Variants in DAB1 observed in about 807,000 individuals in gnomAD.
DAB1 encodes disabled homolog 1.
A neutral mutation model predicts 64.6 loss-of-function variants in DAB1; 15 were observed. The observed-to-expected ratio is 0.23, with a 90% confidence interval of 0.16 to 0.36. DAB1 has a LOEUF of 0.36. DAB1 is among the 10% of genes least tolerant of loss of function. The pLI is 1.00. For missense variants in DAB1, 596 were observed against 706.7 expected (o/e 0.84, Z 1.78); for synonymous variants, 235 against 251.9 (o/e 0.93, Z 0.64).
chr1:57,520,311 C>T (rs1644510084), intron 7 of DAB1, among the ~76,000 whole-genome samples: 1 of 152,136 alleles, frequency 6.6e-6, no homozygotes, highest in Non-Finnish European at 1.5e-5. Flanking sequence ...TCATTCTAAA[C>T]ATGTTTACCA....
intron 9 of DAB1, among the ~76,000 whole-genome samples, chr1:57,052,126 T>C (rs1159211669): frequency 2.1e-5 from 1 of 47,856 alleles, no homozygotes; most frequent in African/African-American, 7.1e-5. Flanking sequence ...GCTAGGGTTG[T>C]GATTACTGGG....
At chr1:58,292,233 C>T (rs1661860144) in intron 4 of DAB1, among the ~76,000 whole-genome samples, 1 of 152,152 alleles carries the variant, frequency 6.6e-6, no homozygotes, top group Admixed American at 6.5e-5. Flanking sequence ...GATTTCTCAG[C>T]TTCCGTAATT....
At chr1:57,631,907 AG>A (rs1645994582) in intron 7 of DAB1, among the ~76,000 whole-genome samples, 1 of 152,210 alleles carries the variant, frequency 6.6e-6, no homozygotes, top group South Asian at 2.1e-4. Context: ...CCATGTTACC[AG>A]GACACAGGAC....
At chr1:58,377,683 T>G (rs1644342498) in intron 3 of DAB1, among the ~76,000 whole-genome samples, 1 of 140,014 alleles carries the variant, frequency 7.1e-6, no homozygotes, top group Non-Finnish European at 1.6e-5. Context: ...TCGAAGAGTA[T>G]CTTTGTGGTG....
intron 5 of DAB1, among the ~76,000 whole-genome samples, chr1:58,096,018 TG>T (rs1650958974): frequency 6.6e-6 from 1 of 152,200 alleles, no homozygotes; most frequent in African/African-American, 2.4e-5. Flanking sequence ...CAGATTCAGC[TG>T]TGGGGTGATT....
chr1:58,202,064 G>T (rs1658026921), intron 4 of DAB1, among the ~76,000 whole-genome samples: 1 of 152,096 alleles, frequency 6.6e-6, no homozygotes, highest in Non-Finnish European at 1.5e-5. Flanking sequence ...TCACAAAATG[G>T]CTGTGAAGAT....
At chr1:57,833,516 C>T (rs1652682410) in intron 1 of DAB1, among the ~76,000 whole-genome samples, 1 of 152,166 alleles carries the variant, frequency 6.6e-6, no homozygotes, top group Non-Finnish European at 1.5e-5. Flanking sequence ...CCCAGGACCA[C>T]ACAGCTTATG....
intron 5 of DAB1, among the ~76,000 whole-genome samples, chr1:58,091,286 A>G (rs1331212452): frequency 6.6e-6 from 1 of 152,212 alleles, no homozygotes; most frequent in East Asian, 1.9e-4. Context: ...AATGTTTGTT[A>G]ATTACAGCTT....
intron 7 of DAB1, among the ~76,000 whole-genome samples, chr1:57,593,014 T>G (rs12746057): frequency 0.31 from 46,539 of 152,070 alleles, 7,136 homozygotes; most frequent in East Asian, 0.33. Context: ...TCCATAACAC[T>G]GTCTTAACCA....
intron 1 of DAB1, among the ~76,000 whole-genome samples, chr1:57,330,994 C>T (rs1213154035): frequency 6.6e-6 from 1 of 152,206 alleles, no homozygotes; most frequent in African/African-American, 2.4e-5. Flanking sequence ...GACCCTGACA[C>T]CCTTGCCTAT....
At chr1:57,078,531 C>A (rs1489037013) in intron 4 of DAB1, among the ~76,000 whole-genome samples, 1 of 152,002 alleles carries the variant, frequency 6.6e-6, no homozygotes, top group Non-Finnish European at 1.5e-5. Context: ...AAAGATAATA[C>A]CCAATATTGA....
At chr1:57,518,068 T>C (rs958158183) in intron 7 of DAB1, among the ~76,000 whole-genome samples, 2 of 152,202 alleles carry the variant, frequency 1.3e-5, no homozygotes, top group Non-Finnish European at 2.9e-5. Flanking sequence ...ATTTGACTCC[T>C]TTATATCTTG....
At chr1:57,947,211 C>A (rs1160258692) in intron 5 of DAB1, among the ~76,000 whole-genome samples, 1 of 152,054 alleles carries the variant, frequency 6.6e-6, no homozygotes, top group African/African-American at 2.4e-5. Context: ...AAATTTGAGC[C>A]CAGTGTCATC....
chr1:58,020,840 T>C (rs898459286), intron 5 of DAB1, among the ~76,000 whole-genome samples: 6 of 152,046 alleles, frequency 3.9e-5, no homozygotes, highest in African/African-American at 1.4e-4. Context: ...CCATCTCTAC[T>C]AAAAATACAA....
chr1:57,743,172 A>G (rs910253071), intron 6 of DAB1, among the ~76,000 whole-genome samples: 4 of 152,184 alleles, frequency 2.6e-5, no homozygotes, highest in Non-Finnish European at 5.9e-5. Context: ...CGCATCCCCT[A>G]TGACTTGCAC....
intron 2 of DAB1, among the ~76,000 whole-genome samples, chr1:57,266,399 A>T (rs1010639745): frequency 6.6e-6 from 1 of 152,138 alleles, no homozygotes; most frequent in Non-Finnish European, 1.5e-5. Flanking sequence ...GATTCCTTGC[A>T]TCTCAATACA....
chr1:57,057,828 T>C (rs187544872), intron 9 of DAB1, among the ~76,000 whole-genome samples: 2,620 of 152,034 alleles, frequency 0.017, 89 homozygotes, highest in African/African-American at 0.061. Context: ...CAGGATGGTC[T>C]CGATCTCCTG....
chr1:57,016,140 TGTTA>T (rs1370990558), intron 11 of DAB1, among the ~76,000 whole-genome samples: 4 of 152,194 alleles, frequency 2.6e-5, no homozygotes, highest in Non-Finnish European at 4.4e-5. Flanking sequence ...ATTCAGTAAA[TGTTA>T]GTTAGTAGTA....
At chr1:58,153,987 C>T (rs896974363) in intron 4 of DAB1, among the ~76,000 whole-genome samples, 1 of 151,560 alleles carries the variant, frequency 6.6e-6, no homozygotes, top group African/African-American at 2.4e-5. Context: ...ATCCTATCTA[C>T]CTTGGCAGCC....
Sources: allele counts gnomAD v4.1 joint callset (sites outside exome capture counted in the v4.1 genomes callset), GRCh38; gene constraint gnomAD v4.1.1; transcripts MANE v1.5; gene names NCBI Gene and HGNC (gene_info 2026-07-23, HGNC 2026-07-21).